The following SGCD variants were observed in gnomAD, a reference collection of about 807,000 sequenced individuals.
The protein encoded by SGCD is sarcoglycan delta, also known as delta-sarcoglycan.
A neutral mutation model predicts 36.6 loss-of-function variants in SGCD; 18 were observed. That is an observed-to-expected ratio of 0.49 (90% CI 0.34 to 0.73). SGCD has a LOEUF of 0.73. Ranked by LOEUF, SGCD falls within the 30% of genes least tolerant of loss-of-function variation. SGCD has a pLI of 0.01. For missense variants in SGCD, 387 were observed against 346.7 expected, an observed-to-expected ratio of 1.12 and a Z score of -0.92; for synonymous variants, 133 against 130.6, an observed-to-expected ratio of 1.02 and a Z score of -0.12.
chr5:156,601,381 T>A (rs1581234190), intron 6 of SGCD, among the ~76,000 whole-genome samples: 1 of 152,228 alleles, frequency 6.6e-6, no homozygotes, highest in South Asian at 2.1e-4. Context: ...GCACCATTTA[T>A]TGAAGAGACT....
chr5:156,070,474 A>G (rs1258434988), intron 1 of SGCD, among the ~76,000 whole-genome samples: 2 of 149,912 alleles, frequency 1.3e-5, no homozygotes, highest in Non-Finnish European at 2.9e-5. Context: ...CATCCCAGGG[A>G]TGAAGCCCAC....
At chr5:155,813,884 A>G in the SGCD span, among the ~76,000 whole-genome samples, 11 of 152,346 alleles carry the variant, frequency 7.2e-5, no homozygotes, top group Admixed American at 3.9e-4. Flanking sequence ...AGAGTCCTCA[A>G]TAACTCAGAA....
At chr5:156,032,790 C>T (rs1002484941) in intron 1 of SGCD, among the ~76,000 whole-genome samples, 19 of 139,986 alleles carry the variant, frequency 1.4e-4, no homozygotes, top group Non-Finnish European at 2.4e-4. Context: ...AAATTTGGGG[C>T]GTGGCACAGT....
chr5:155,847,314 C>T, the SGCD span, among the ~76,000 whole-genome samples: 3 of 152,184 alleles, frequency 2.0e-5, no homozygotes, highest in African/African-American at 7.2e-5. Context: ...ACCTGGTAAG[C>T]AGCAGAACTC....
chr5:155,769,939 G>A, the SGCD span, among the ~76,000 whole-genome samples: 4 of 151,974 alleles, frequency 2.6e-5, no homozygotes, highest in Admixed American at 1.3e-4. Flanking sequence ...CTTAGGCCAT[G>A]CTTTGTACCT....
chr5:156,601,872 C>CG (rs374666497), intron 6 of SGCD, among the ~76,000 whole-genome samples: 8,666 of 152,022 alleles, frequency 0.057, 828 homozygotes, highest in African/African-American at 0.2. Context: ...TTAGTAGAGA[C>CG]GGGTTTCACC....
the SGCD span, among the ~76,000 whole-genome samples, chr5:155,753,334 TA>T: frequency 7.4e-5 from 10 of 135,836 alleles, no homozygotes; most frequent in South Asian, 2.1e-4. Context: ...AGACTTTGTC[TA>T]AAAAAAAAAG....
intron 1 of SGCD, among the ~76,000 whole-genome samples, chr5:155,876,624 G>A (rs770809193): frequency 2.0e-5 from 3 of 152,044 alleles, no homozygotes; most frequent in South Asian, 2.1e-4. Flanking sequence ...GCTTAGCTGC[G>A]TTTCTTCCTT....
chr5:156,333,521 A>G (rs1211973877), intron 2 of SGCD, among the ~76,000 whole-genome samples: 5 of 152,180 alleles, frequency 3.3e-5, no homozygotes, highest in African/African-American at 7.2e-5. Context: ...AGAAGCATTT[A>G]ATATAAGAAA....
At chr5:156,637,072 A>T (rs1392849487) in intron 6 of SGCD, among the ~76,000 whole-genome samples, 1 of 151,952 alleles carries the variant, frequency 6.6e-6, no homozygotes. Flanking sequence ...ACCCAGGGGG[A>T]GGTAATTGAA....
chr5:156,494,372 C>T (rs1179612007), intron 3 of SGCD, among the ~76,000 whole-genome samples: 3 of 148,438 alleles, frequency 2.0e-5, no homozygotes, highest in Non-Finnish European at 4.5e-5. Flanking sequence ...ACACTCACAC[C>T]TATGGTTTGA....
At chr5:156,358,703 G>A (rs1769616816) in intron 3 of SGCD, among the ~76,000 whole-genome samples, 1 of 152,204 alleles carries the variant, frequency 6.6e-6, no homozygotes, top group Non-Finnish European at 1.5e-5. Flanking sequence ...GTGTAAAGAA[G>A]GCAGGAAGGG....
chr5:156,403,354 G>A (rs993559819), intron 3 of SGCD, among the ~76,000 whole-genome samples: 1 of 152,106 alleles, frequency 6.6e-6, no homozygotes, highest in African/African-American at 2.4e-5. Flanking sequence ...TAGAGAACTC[G>A]CGGTCTATTA....
chr5:156,173,912 A>G (rs2127623318), intron 3 of SGCD, among the ~76,000 whole-genome samples: 1 of 152,274 alleles, frequency 6.6e-6, no homozygotes, highest in Non-Finnish European at 1.5e-5. Flanking sequence ...GCAATTACTA[A>G]TTATGTGACT....
At chr5:156,497,187 C>G (rs1225325427) in intron 3 of SGCD, among the ~76,000 whole-genome samples, 1 of 70,608 alleles carries the variant, frequency 1.4e-5, no homozygotes, top group Non-Finnish European at 3.2e-5. Flanking sequence ...CTCTCTCTCT[C>G]TCTCTCTCTC....
intron 7 of SGCD, among the ~76,000 whole-genome samples, chr5:156,744,962 A>G (rs1483635239): frequency 6.6e-6 from 1 of 152,208 alleles, no homozygotes; most frequent in African/African-American, 2.4e-5. Flanking sequence ...ATTATTCAAC[A>G]TTCAAGCCCT....
intron 3 of SGCD, among the ~76,000 whole-genome samples, chr5:156,487,813 A>AAAAGAAAGAAAAAG (rs1755755711): frequency 6.4e-5 from 5 of 77,796 alleles, no homozygotes; most frequent in Admixed American, 1.8e-4. Flanking sequence ...AAAAAAAAAA[A>AAAAGAAAGAAAAAG]AAAGAAAGAA....
At chr5:156,298,290 TTG>T (rs1381517262) in intron 3 of SGCD, among the ~76,000 whole-genome samples, 1 of 152,200 alleles carries the variant, frequency 6.6e-6, no homozygotes, top group Non-Finnish European at 1.5e-5. Context: ...AGTAGTCAGA[TTG>T]CTGGATCGTG....
At chr5:156,069,226 A>G (rs1760449757) in intron 1 of SGCD, among the ~76,000 whole-genome samples, 1 of 152,082 alleles carries the variant, frequency 6.6e-6, no homozygotes, top group Admixed American at 6.6e-5. Flanking sequence ...GGTAATGCCT[A>G]GGTTTTCTTC....
Sources: allele counts gnomAD v4.1 joint callset (sites outside exome capture counted in the v4.1 genomes callset), GRCh38; gene constraint gnomAD v4.1.1; transcripts MANE v1.5; gene names NCBI Gene and HGNC (gene_info 2026-07-23, HGNC 2026-07-21).